The following PCDH9 variants were observed in gnomAD, a reference collection of about 807,000 sequenced individuals.
PCDH9 encodes the protein protocadherin 9.
In PCDH9, 24 loss-of-function variants were observed where a neutral mutation model predicts 70.6. The ratio of observed to expected loss-of-function variants is 0.34; its 90% CI spans 0.25 to 0.48. The LOEUF (loss-of-function observed/expected upper bound fraction) is 0.48. Among genes scored for constraint, PCDH9 ranks in the 20% least tolerant of loss-of-function variants. The pLI is 0.99. For missense variants in PCDH9, 1,281 were observed against 1,503.6 expected, an observed-to-expected ratio of 0.85 and a Z score of 2.45; for synonymous variants, 562 against 558.5, an observed-to-expected ratio of 1.01 and a Z score of -0.09.
At chr13:66,651,140 C>T (rs899395259) in intron 3 of PCDH9, among the ~76,000 whole-genome samples, 1 of 151,028 alleles carries the variant, frequency 6.6e-6, no homozygotes, top group Non-Finnish European at 1.5e-5. Context: ...AAAAGAAAGA[C>T]CAAAGTGAAC....
At chr13:66,404,427 A>G (rs566070702) in intron 4 of PCDH9, among the ~76,000 whole-genome samples, 1 of 152,328 alleles carries the variant, frequency 6.6e-6, no homozygotes, top group African/African-American at 2.4e-5. Flanking sequence ...GGGAGTTTCC[A>G]AAAGTGGAAA....
chr13:66,744,218 T>G (rs2079320471), intron 3 of PCDH9, among the ~76,000 whole-genome samples: 1 of 152,218 alleles, frequency 6.6e-6, no homozygotes, highest in Admixed American at 6.5e-5. Context: ...ATTTATTATT[T>G]TGTATTAATC....
chr13:66,469,750 C>T (rs535781434), intron 4 of PCDH9, among the ~76,000 whole-genome samples: 58 of 152,268 alleles, frequency 3.8e-4, no homozygotes, highest in African/African-American at 1.3e-3. Flanking sequence ...TAAAGCTACG[C>T]ATTTCTGCAT....
intron 4 of PCDH9, among the ~76,000 whole-genome samples, chr13:66,405,959 G>A (rs898902999): frequency 6.6e-6 from 1 of 152,148 alleles, no homozygotes; most frequent in African/African-American, 2.4e-5. Context: ...AATGAGTCAG[G>A]GAGGAGGTGA....
intron 4 of PCDH9, among the ~76,000 whole-genome samples, chr13:66,451,587 C>T (rs1435021306): frequency 2.6e-5 from 4 of 152,100 alleles, no homozygotes; most frequent in Non-Finnish European, 5.9e-5. Context: ...TCACATAGTA[C>T]ATTTTATATT....
chr13:67,021,252 A>G (rs936377753), intron 2 of PCDH9, among the ~76,000 whole-genome samples: 13 of 152,174 alleles, frequency 8.5e-5, no homozygotes, highest in Admixed American at 8.5e-4. Flanking sequence ...CAATACCTGT[A>G]ATCCCCGTTG....
chr13:66,425,700 T>C (rs1957656819), intron 4 of PCDH9, among the ~76,000 whole-genome samples: 3 of 151,762 alleles, frequency 2.0e-5, no homozygotes, highest in Admixed American at 6.6e-5. Context: ...TTATCTATCA[T>C]AACATTTGAT....
At chr13:66,910,466 G>A (rs1457196130) in intron 2 of PCDH9, among the ~76,000 whole-genome samples, 1 of 152,004 alleles carries the variant, frequency 6.6e-6, no homozygotes, top group Non-Finnish European at 1.5e-5. Flanking sequence ...CTACCTTATG[G>A]TACAATAAAT....
At chr13:66,865,372 A>C (rs527628888) in intron 3 of PCDH9, among the ~76,000 whole-genome samples, 1 of 152,322 alleles carries the variant, frequency 6.6e-6, no homozygotes, top group South Asian at 2.1e-4. Flanking sequence ...ATATATAGTC[A>C]AATTGTTCTT....
At chr13:66,704,080 A>C (rs1436693837) in intron 3 of PCDH9, among the ~76,000 whole-genome samples, 1 of 152,164 alleles carries the variant, frequency 6.6e-6, no homozygotes, top group East Asian at 1.9e-4. Flanking sequence ...CTTTTAGGAC[A>C]TTATGATGAA....
intron 3 of PCDH9, among the ~76,000 whole-genome samples, chr13:66,699,417 T>G (rs2078607751): frequency 6.6e-6 from 1 of 152,162 alleles, no homozygotes; most frequent in African/African-American, 2.4e-5. Context: ...AAAAGCATCC[T>G]TGCATATGTA....
At chr13:66,739,815 A>G (rs1298805934) in intron 3 of PCDH9, among the ~76,000 whole-genome samples, 4 of 126,946 alleles carry the variant, frequency 3.2e-5, no homozygotes, top group Non-Finnish European at 6.7e-5. Flanking sequence ...TATGCACCCA[A>G]TACAGGAGCA....
chr13:67,187,911 T>C (rs972028025), intron 2 of PCDH9, among the ~76,000 whole-genome samples: 1 of 152,126 alleles, frequency 6.6e-6, no homozygotes, highest in Non-Finnish European at 1.5e-5. Flanking sequence ...GTGATAGGAA[T>C]ATTCCAATTT....
intron 3 of PCDH9, among the ~76,000 whole-genome samples, chr13:66,631,780 T>A (rs745532120): frequency 1.3e-5 from 2 of 152,224 alleles, no homozygotes; most frequent in Non-Finnish European, 2.9e-5. Context: ...AAATAAATAC[T>A]TAGAAAATGC....
intron 3 of PCDH9, among the ~76,000 whole-genome samples, chr13:66,820,959 A>C (rs2080701293): frequency 6.6e-6 from 1 of 152,202 alleles, no homozygotes; most frequent in South Asian, 2.1e-4. Context: ...TTACCTCTGT[A>C]ACAAACCTGC....
chr13:66,737,095 T>C (rs990204066), intron 3 of PCDH9, among the ~76,000 whole-genome samples: 2 of 152,242 alleles, frequency 1.3e-5, no homozygotes, highest in African/African-American at 4.8e-5. Context: ...TAAATCATTT[T>C]GATAAAATGC....
chr13:66,517,178 T>A (rs897499526), intron 4 of PCDH9, among the ~76,000 whole-genome samples: 3 of 152,180 alleles, frequency 2.0e-5, no homozygotes, highest in African/African-American at 7.2e-5. Context: ...AAATACAATA[T>A]AGTTAAACTT....
At chr13:67,007,563 G>A (rs978977454) in intron 2 of PCDH9, among the ~76,000 whole-genome samples, 1 of 152,158 alleles carries the variant, frequency 6.6e-6, no homozygotes, top group Non-Finnish European at 1.5e-5. Flanking sequence ...CATTATGGGA[G>A]CATGGGATAT....
intron 3 of PCDH9, among the ~76,000 whole-genome samples, chr13:66,857,266 T>C (rs971859341): frequency 6.6e-6 from 1 of 152,114 alleles, no homozygotes; most frequent in East Asian, 1.9e-4. Flanking sequence ...TATAAATCCA[T>C]AATGTATGTT....
Sources: gnomAD v4.1 joint callset for allele counts (sites outside exome capture counted in the v4.1 genomes callset) on GRCh38, gnomAD v4.1.1 for gene constraint, MANE v1.5 for transcripts, NCBI Gene and HGNC (gene_info 2026-07-23, HGNC 2026-07-21) for gene names.